IREB2: variants seen among roughly 807,000 people sequenced by gnomAD.
The protein encoded by IREB2 is iron responsive element binding protein 2, also known as iron-responsive element-binding protein 2.
Under a neutral mutation model 118.8 loss-of-function variants are expected in IREB2, and 39 were observed. That is an observed-to-expected ratio of 0.33 (90% confidence interval 0.25 to 0.43). The LOEUF (loss-of-function observed/expected upper bound fraction) is 0.43, where lower values mean the gene tolerates loss of function less well. Among genes scored for constraint, IREB2 ranks in the 20% least tolerant of loss-of-function variants. The pLI is 1.00. For synonymous variants in IREB2, 372 were observed against 392.2 expected, an observed-to-expected ratio of 0.95 and a Z score of 0.61; for missense variants, 900 against 1,147.3, an observed-to-expected ratio of 0.78 and a Z score of 3.11.
intron 5 of IREB2, among the ~76,000 whole-genome samples, chr15:78,469,493 G>A (rs1188834469): frequency 6.6e-6 from 1 of 152,090 alleles, no homozygotes; most frequent in Non-Finnish European, 1.5e-5. Flanking sequence ...GCTGAGGCGG[G>A]TGGATCAGTC....
rs2051277970 is a variant in IREB2, at chr15:78,466,164, ATCAT to A, written c.411-103_411-100del. 13 of 640,610 alleles carry A rather than the reference ATCAT, an allele frequency of 2.0e-5. No individual in the cohort carries two copies. In the South Asian group the frequency reaches 2.7e-4, roughly 13 times the overall value. The allele number at this position is 640,610 out of a possible 1,614,324, so 39.7% of individuals were successfully genotyped here. On this transcript the variant is annotated intron_variant, in intron 4 of 21. Coordinates refer to ENST00000258886, the MANE Select transcript of IREB2 (RefSeq NM_004136.4). ...TTAAATGATACATTAGCCTTTAAAC[ATCAT>A]TCAGTTACTTCCAGATAGCGTTGCT... is the stretch of plus-strand genomic sequence containing the variant.
At chr15:78,455,196 G>A (rs1041265724) in intron 2 of IREB2, among the ~76,000 whole-genome samples, 8 of 152,222 alleles carry the variant, frequency 5.3e-5, no homozygotes, top group Non-Finnish European at 7.3e-5. Context: ...TAAGGAAAGC[G>A]TGGATAGGCT....
At chr15:78,491,165 T>C (rs537258788) in intron 18 of IREB2, among the ~76,000 whole-genome samples, 1 of 152,250 alleles carries the variant, frequency 6.6e-6, no homozygotes, top group African/African-American at 2.4e-5. Context: ...TTATGGGCTA[T>C]AACATGTACG....
chr15:78,488,539 G>A (rs1596012851), intron 15 of IREB2, 108 bp from the exon 16 acceptor site: 1 of 1,155,676 alleles, frequency 8.7e-7, no homozygotes, highest in Non-Finnish European at 1.2e-6. Context: ...TAAGCCTGAA[G>A]CACCCTGTTG....
At chr15:78,455,086 T>C (rs1183528198) in intron 2 of IREB2, among the ~76,000 whole-genome samples, 2 of 152,020 alleles carry the variant, frequency 1.3e-5, no homozygotes, top group Non-Finnish European at 2.9e-5. Context: ...AGAACAGGAT[T>C]GGTGTTTTCT....
At position 78,488,820 on chromosome 15, in the gene IREB2, C is replaced by T. The variant is rs774754413; in HGVS notation, c.2076+49C>T. The T allele has an allele frequency of 6.2e-6, 7 of 1,126,614 alleles. No homozygotes were observed. The East Asian group carries it at 1.8e-4, about 29-fold the overall frequency. The allele number at this position is 1,126,614 out of a possible 1,614,324, so 69.8% of individuals were successfully genotyped here. On this transcript the variant is annotated intron_variant, in intron 16 of 21. Coordinates refer to ENST00000258886, the MANE Select transcript of IREB2 (RefSeq NM_004136.4). ...AATAGTTTAATCAATTTGCAGTGTT[C>T]TTTTATTTCATATATCTTCTGAATA...
At chr15:78,458,730 CCAGCTT>C (rs1216281346) in intron 2 of IREB2, among the ~76,000 whole-genome samples, 1 of 152,178 alleles carries the variant, frequency 6.6e-6, no homozygotes, top group East Asian at 1.9e-4. Flanking sequence ...CTAGTAGGCG[CCAGCTT>C]CATAAGAGCA....
In IREB2 at chr15:78,499,431, A is replaced by G. The variant is rs911116631; in HGVS notation, c.*1288A>G. The stretch of plus-strand genomic sequence containing the variant: ...GTTAATTGTAGTGATTTTTTTTCAC[A>G]TAGATATCTTTCTATGACCTAGTTA... On this transcript the variant is annotated 3_prime_UTR_variant, in exon 22 of 22. Transcript: ENST00000258886. 15 of 152,288 alleles carry G rather than the reference A, an allele frequency of 9.8e-5. No individual in the cohort carries two copies. Among genetic ancestry groups the G allele is most frequent in the African/African-American group, 3.6e-4 (15 of 41,570 alleles). The allele number at this position is 152,288 out of a possible 1,614,324, so 9.4% of individuals were successfully genotyped here. A position where few individuals can be genotyped will look rare whatever the true frequency, so the allele number is the denominator to read the frequency against.
At chr15:78,470,953 C>G (rs909070945) in intron 6 of IREB2, 10 of 156,466 alleles carry the variant, frequency 6.4e-5, no homozygotes, top group African/African-American at 2.2e-4. Flanking sequence ...CCTCGGCCCC[C>G]CCCAAAGTGC....
chr15:78,446,291 C>T (rs377486673), intron 2 of IREB2, among the ~76,000 whole-genome samples: 2 of 152,150 alleles, frequency 1.3e-5, no homozygotes, highest in African/African-American at 4.8e-5. Flanking sequence ...TAACATCATC[C>T]TACTAGTCCA....
chr15:78,498,131 A>G lies in IREB2; in HGVS notation c.2880A>G (p.Arg960=), dbSNP rs1458285243. Reference sequence around the variant, plus strand: ...GAGGATTATTAAACTTTGTGGCACGAAAATTCTCATAGTATCTACTTACCA... The same window carrying G: ...GAGGATTATTAAACTTTGTGGCACGGAAATTCTCATAGTATCTACTTACCA... ...KHGGLLNFVA[R]KFS is the part of the protein sequence containing the mutation. The change falls in exon 22 of 22, where the codon CGA becomes CGG. Residue 960 remains arginine, a synonymous_variant. Transcript: ENST00000258886. 1.3e-5 allele frequency: 20 copies of G among 1,586,014 alleles called. No individual in the cohort carries two copies. In the Admixed American group the frequency reaches 3.3e-4, roughly 26 times the overall value.
rs1344483115 is a variant in IREB2, at chr15:78,499,595, AAT to A, written c.*1455_*1456del. The A allele has an allele frequency of 2.0e-5, 3 of 152,260 alleles. No homozygotes were observed. Among genetic ancestry groups the A allele is most frequent in the Non-Finnish European group, 4.4e-5 (3 of 68,042 alleles). The allele number at this position is 152,260 out of a possible 1,614,324, so 9.4% of individuals were successfully genotyped here. On this transcript the variant is annotated 3_prime_UTR_variant, in exon 22 of 22. Transcript: ENST00000258886. The stretch of plus-strand genomic sequence containing the variant: ...TACAATCTTTTGAAAATATTTTGCA[AAT>A]ATGTGTTTAGACAATAAGATGGACT...
Position 78,438,258 on chromosome 15 carries a change from T to TCCTCC in IREB2, c.-77_-73dup. 8.9e-7 allele frequency: 1 copy of TCCTCC among 1,117,528 alleles called. No homozygotes were observed. 69.2% of individuals were successfully genotyped at this position (1,117,528 alleles called of 1,614,324 possible). A position where few individuals can be genotyped will look rare whatever the true frequency, so the allele number is the denominator to read the frequency against. On this transcript the variant is annotated 5_prime_UTR_variant, in exon 1 of 22. Coordinates refer to ENST00000258886, the MANE Select transcript of IREB2 (RefSeq NM_004136.4). ...TCCTCCCTTGCCAGTCCGCCTGTCT[T>TCCTCC]CCTCCCCGTCTTCCCTGCCCGGCCT...
chr15:78,447,315 A>G (rs1595984892), intron 2 of IREB2, among the ~76,000 whole-genome samples: 1 of 146,226 alleles, frequency 6.8e-6, no homozygotes, highest in South Asian at 2.2e-4. Flanking sequence ...ACAAGAAGAC[A>G]CCACTACACC....
At chr15:78,440,502 G>A (rs1722639604) in intron 2 of IREB2, among the ~76,000 whole-genome samples, 1 of 151,836 alleles carries the variant, frequency 6.6e-6, no homozygotes, top group South Asian at 2.1e-4. Context: ...AAGGCCTACA[G>A]GTGTATGCCA....
intron 2 of IREB2, among the ~76,000 whole-genome samples, chr15:78,456,929 T>C (rs941151755): frequency 1.3e-5 from 2 of 152,196 alleles, no homozygotes; most frequent in Non-Finnish European, 2.9e-5. Flanking sequence ...GATTTTAGAC[T>C]TTAGTAGTTT....
At chr15:78,480,998 G>T (rs937952984) in intron 10 of IREB2, among the ~76,000 whole-genome samples, 2 of 150,522 alleles carry the variant, frequency 1.3e-5, no homozygotes, top group Non-Finnish European at 3.0e-5. Context: ...AACAGAGCGA[G>T]ACTCTGTCTC....
intron 2 of IREB2, among the ~76,000 whole-genome samples, chr15:78,446,399 A>T (rs1490729502): frequency 1.3e-5 from 2 of 152,158 alleles, no homozygotes; most frequent in Non-Finnish European, 2.9e-5. Flanking sequence ...AGGAACAGAC[A>T]CTAGCTCGAG....
At chr15:78,462,156 C>G (rs2051208410) in intron 2 of IREB2, among the ~76,000 whole-genome samples, 1 of 152,114 alleles carries the variant, frequency 6.6e-6, no homozygotes. Flanking sequence ...TTCTGCCCTG[C>G]TTTTTCTCTT....
Sources: gnomAD v4.1 joint callset for allele counts (sites outside exome capture counted in the v4.1 genomes callset) on GRCh38, gnomAD v4.1.1 for gene constraint, MANE v1.5 for transcripts, NCBI Gene and HGNC (gene_info 2026-07-23, HGNC 2026-07-21) for gene names.